Variants in IMPA1 observed in about 807,000 individuals in gnomAD.
IMPA1 encodes the protein inositol monophosphatase 1, also known as D-galactose 1-phosphate phosphatase.
In IMPA1, 21 loss-of-function variants were observed where a neutral mutation model predicts 34.9. The observed-to-expected ratio is 0.60, with a 90% confidence interval of 0.43 to 0.87. The LOEUF (loss-of-function observed/expected upper bound fraction) is 0.87, where lower values mean the gene tolerates loss of function less well. Among genes scored for constraint, IMPA1 ranks in the 40% least tolerant of loss-of-function variants. The probability of loss-of-function intolerance (pLI) is 0.00; values close to 1 mark genes in which losing one functional copy is unlikely to be tolerated. For missense variants in IMPA1, 299 were observed against 336.4 expected, an observed-to-expected ratio of 0.89 and a Z score of 0.87; for synonymous variants, 95 against 104.4, an observed-to-expected ratio of 0.91 and a Z score of 0.55.
intron 3 of IMPA1, among the ~76,000 whole-genome samples, chr8:81,679,908 G>T (rs1055407500): frequency 6.6e-6 from 1 of 151,942 alleles, no homozygotes; most frequent in Non-Finnish European, 1.5e-5. Context: ...AGGCTGAGGC[G>T]GGCGGACCAT....
chr8:81,668,405 C>T (rs543739931), intron 7 of IMPA1, among the ~76,000 whole-genome samples: 7 of 152,048 alleles, frequency 4.6e-5, no homozygotes, highest in African/African-American at 1.2e-4. Context: ...GGCTGCACGG[C>T]GAACCCCATT....
chr8:81,678,826 A>G (rs1021795221), intron 4 of IMPA1: 4 of 278,504 alleles, frequency 1.4e-5, no homozygotes, highest in African/African-American at 8.9e-5. Flanking sequence ...CCACTCTCAA[A>G]GCAGCAATGT....
intron 3 of IMPA1, among the ~76,000 whole-genome samples, chr8:81,680,296 T>C (rs1807258890): frequency 6.6e-6 from 1 of 152,186 alleles, no homozygotes. Context: ...AAAATGCCCC[T>C]CTAATTTGCA....
In IMPA1 at chr8:81,658,432, C is replaced by A. The variant is rs918003412; in HGVS notation, c.*919G>T. The A allele has an allele frequency of 4.6e-5, 7 of 152,238 alleles. No homozygotes were observed. Among genetic ancestry groups the A allele is most frequent in the Admixed American group, 6.5e-5 (1 of 15,282 alleles). 9.4% of individuals were successfully genotyped at this position (152,238 alleles called of 1,614,324 possible). ...TAACAATACAGTATATTTGCCAGCACAATCAAATCAGTATAAACACCTTTA... is the reference window on the plus strand; with the variant it reads ...TAACAATACAGTATATTTGCCAGCAAAATCAAATCAGTATAAACACCTTTA... On this transcript the variant is annotated 3_prime_UTR_variant, in exon 9 of 9. Coordinates refer to ENST00000256108, the MANE Select transcript of IMPA1 (RefSeq NM_005536.4).
chr8:81,671,285 C>G (rs969447932), intron 6 of IMPA1, among the ~76,000 whole-genome samples: 1 of 152,044 alleles, frequency 6.6e-6, no homozygotes, highest in African/African-American at 2.4e-5. Context: ...TGCCTGCATA[C>G]ATAATACTTA....
At position 81,673,881 on chromosome 8, in the gene IMPA1, G is replaced by C. The variant is rs369641233; in HGVS notation, c.417C>G (p.Ala139=). The change falls in exon 6 of 9, where the codon GCC becomes GCG. Residue 139 remains alanine, a synonymous_variant. Coordinates refer to ENST00000256108, the MANE Select transcript of IMPA1 (RefSeq NM_005536.4). ...KMYTARKGKG[A]FCNGQKLQVS... ...CTTGTAGTTTTTGACCATTACAAAA[G>C]GCACCTTTTCCTTTTCTGGCAGTGT... is the stretch of plus-strand genomic sequence containing the variant. The C allele has an allele frequency of 1.9e-6, 3 of 1,612,950 alleles. No homozygotes were observed. The highest frequency in any genetic ancestry group is 2.7e-5 in the African/African-American group (2 of 74,876).
At chr8:81,683,382 T>C (rs539433999) in intron 1 of IMPA1, among the ~76,000 whole-genome samples, 17 of 152,262 alleles carry the variant, frequency 1.1e-4, no homozygotes, top group Non-Finnish European at 1.9e-4. Flanking sequence ...TACCTGATGA[T>C]TGGCTGAAAC....
At chr8:81,670,232 GA>G (rs906786675) in intron 7 of IMPA1, among the ~76,000 whole-genome samples, 6 of 151,632 alleles carry the variant, frequency 4.0e-5, no homozygotes, top group African/African-American at 1.2e-4. Context: ...CAGAATTTAT[GA>G]AAAAAATAAT....
In IMPA1 at chr8:81,681,482, A is replaced by G; in HGVS notation, c.63+16T>C. On this transcript the variant is annotated intron_variant, in intron 2 of 8. Coordinates refer to ENST00000256108, the MANE Select transcript of IMPA1 (RefSeq NM_005536.4). ...ACATTATAATTGATTATAATTGACA[A>G]AATCTTAGCTCATACCTCTCCAGCT... The G allele has an allele frequency of 6.9e-7, 1 of 1,451,692 alleles. No homozygotes were observed. The highest frequency in any genetic ancestry group is 9.7e-7 in the Non-Finnish European group (1 of 1,034,400). 89.9% of individuals were successfully genotyped at this position (1,451,692 alleles called of 1,614,324 possible). A position where few individuals can be genotyped will look rare whatever the true frequency, so the allele number is the denominator to read the frequency against.
chr8:81,665,717 G>T (rs141108515), intron 7 of IMPA1, among the ~76,000 whole-genome samples: 1 of 152,070 alleles, frequency 6.6e-6, no homozygotes, highest in African/African-American at 2.4e-5. Flanking sequence ...ACAGCCTCCA[G>T]TTAAAAGATA....
intron 3 of IMPA1, among the ~76,000 whole-genome samples, chr8:81,679,642 C>G (rs1466063095): frequency 6.6e-6 from 1 of 150,804 alleles, no homozygotes; most frequent in Non-Finnish European, 1.5e-5. Flanking sequence ...TAGCAAAAGT[C>G]TGTACCCTAC....
chr8:81,660,548 G>A lies in IMPA1; in HGVS notation c.686C>T (p.Thr229Ile), dbSNP rs1185173904. ...WDVAGAGIIV[T>I]EAGGVLMDVT... ...ATCCATTAGCACGCCACCAGCTTCA[G>A]TAACAATAATGCCAGCTCCTGCAAC... is the stretch of plus-strand genomic sequence containing the variant. Residue 229 changes from threonine (T) to isoleucine (I), a missense_variant, in exon 8 of 9, where the codon ACT becomes ATT. Transcript: ENST00000256108. 6.2e-7 allele frequency: 1 copy of A among 1,613,786 alleles called. No individual in the cohort carries two copies. Among genetic ancestry groups the A allele is most frequent in the African/African-American group, 1.3e-5 (1 of 75,032 alleles).
chr8:81,672,258 G>A (rs367664663), intron 6 of IMPA1, among the ~76,000 whole-genome samples: 1 of 152,162 alleles, frequency 6.6e-6, no homozygotes, highest in South Asian at 2.1e-4. Context: ...GTTTATGGAA[G>A]AACAGTAACT....
chr8:81,659,665 A>T (rs1321284710), intron 8 of IMPA1, among the ~76,000 whole-genome samples, 199 bp from the exon 9 acceptor site: 4 of 152,206 alleles, frequency 2.6e-5, no homozygotes, highest in Admixed American at 2.6e-4. Flanking sequence ...TTGAGTAAAT[A>T]ATGAAGTCAT....
rs1434809802 is a variant in IMPA1 at position 81,673,788 on chromosome 8, T to C, written c.457+53A>G. The C allele has an allele frequency of 4.0e-6, 4 of 1,004,728 alleles. No homozygotes were observed. The East Asian group carries it at 7.1e-5, about 18-fold the overall frequency. 62.2% of individuals were successfully genotyped at this position (1,004,728 alleles called of 1,614,324 possible). ...TCCATAGGTGAATATTAAAAAACAATAAAATATTGAGCACACAATATGAAT... is the reference window on the plus strand; with the variant it reads ...TCCATAGGTGAATATTAAAAAACAACAAAATATTGAGCACACAATATGAAT... On this transcript the variant is annotated intron_variant, in intron 6 of 8. Transcript: ENST00000256108.
chr8:81,684,043 C>T (rs1257894421), intron 1 of IMPA1, among the ~76,000 whole-genome samples: 2 of 150,812 alleles, frequency 1.3e-5, no homozygotes, highest in Non-Finnish European at 2.9e-5. Flanking sequence ...AAAGGTGGGC[C>T]AAGATTCCTG....
rs1302857221 is a variant in IMPA1, at chr8:81,685,951, A to C, written c.-25+301T>G. Reference sequence around the variant, plus strand: ...GACTACCTGGGCCTGGGGATGCACCAAGTTTCTAGGAGCTTTTCGGAGTTG... The same window carrying C: ...GACTACCTGGGCCTGGGGATGCACCCAGTTTCTAGGAGCTTTTCGGAGTTG... On this transcript the variant is annotated intron_variant, in intron 1 of 8. Coordinates refer to ENST00000256108, the MANE Select transcript of IMPA1 (RefSeq NM_005536.4). The C allele has an allele frequency of 4.0e-6, 6 of 1,518,334 alleles. No homozygotes were observed. The Admixed American group carries it at 1.3e-4, about 33-fold the overall frequency. The allele number at this position is 1,518,334 out of a possible 1,614,324, so 94.1% of individuals were successfully genotyped here. A position where few individuals can be genotyped will look rare whatever the true frequency, so the allele number is the denominator to read the frequency against.
intron 6 of IMPA1, among the ~76,000 whole-genome samples, chr8:81,672,221 T>C (rs1168229311): frequency 6.6e-6 from 1 of 152,256 alleles, no homozygotes; most frequent in Non-Finnish European, 1.5e-5. Flanking sequence ...AATTTCAATG[T>C]GCAAACTGTG....
At position 81,658,415 on chromosome 8, in the gene IMPA1, C is replaced by T. The variant is rs1329952619; in HGVS notation, c.*936G>A. ...AATAAACAGTTCAATATTAACAATA[C>T]AGTATATTTGCCAGCACAATCAAAT... On this transcript the variant is annotated 3_prime_UTR_variant, in exon 9 of 9. Coordinates refer to ENST00000256108, the MANE Select transcript of IMPA1 (RefSeq NM_005536.4). The T allele has an allele frequency of 6.6e-6, 1 of 152,116 alleles. No individual in the cohort carries two copies. Among genetic ancestry groups the T allele is most frequent in the African/African-American group, 2.4e-5 (1 of 41,406 alleles). 9.4% of individuals were successfully genotyped at this position (152,116 alleles called of 1,614,324 possible).
Sources: gnomAD v4.1 joint callset for allele counts (sites outside exome capture counted in the v4.1 genomes callset) on GRCh38, gnomAD v4.1.1 for gene constraint, MANE v1.5 for transcripts, NCBI Gene and HGNC (gene_info 2026-07-23, HGNC 2026-07-21) for gene names.